Variants in CSF2RB observed in about 807,000 individuals in gnomAD.
CSF2RB encodes cytokine receptor common subunit beta.
A neutral mutation model predicts 67.2 loss-of-function variants in CSF2RB; 22 were observed. The ratio of observed to expected loss-of-function variants is 0.33; its 90% CI spans 0.23 to 0.47. The LOEUF (loss-of-function observed/expected upper bound fraction) is 0.47. Among genes scored for constraint, CSF2RB ranks in the 20% least tolerant of loss-of-function variants. CSF2RB has a pLI of 1.00. For synonymous variants in CSF2RB, 507 were observed against 482.9 expected, an observed-to-expected ratio of 1.05 and a Z score of -0.65; for missense variants, 1,113 against 1,174.5, an observed-to-expected ratio of 0.95 and a Z score of 0.76.
rs529217689 is a variant in CSF2RB, at chr22:36,918,803, G to T, written c.-172-3233G>T. Among the ~76,000 whole-genome samples, 4 of 152,272 alleles carry T rather than the reference G, an allele frequency of 2.6e-5. No individual in the cohort carries two copies. In the South Asian group the frequency reaches 8.3e-4, roughly 32 times the overall value. On this transcript the variant is annotated intron_variant, in intron 1 of 13. Coordinates refer to ENST00000403662, the MANE Select transcript of CSF2RB (RefSeq NM_000395.3). ...GAGGTAGCAGTTTCAGGCTAGTATG[G>T]TTGCTCCAGAGTGAGAGTGGGAATC...
intron 5 of CSF2RB, 39 bp from the exon 6 acceptor site, chr22:36,929,600 G>A: frequency 6.2e-7 from 1 of 1,614,170 alleles, no homozygotes. Context: ...CGAAGGGATG[G>A]GCAGCACCCC....
At chr22:36,916,963 T>G (rs574643776) in intron 1 of CSF2RB, among the ~76,000 whole-genome samples, 2 of 152,348 alleles carry the variant, frequency 1.3e-5, no homozygotes, top group South Asian at 4.1e-4. Context: ...CATTGACCAC[T>G]GGAAGTAAAG....
chr22:36,926,774 A>G (rs2145796896), intron 4 of CSF2RB, among the ~76,000 whole-genome samples: 1 of 152,338 alleles, frequency 6.6e-6, no homozygotes, highest in East Asian at 1.9e-4. Flanking sequence ...ATTTGCCTCT[A>G]TATTAGAAAG....
At chr22:36,928,358 C>G (rs574542831) in intron 4 of CSF2RB, among the ~76,000 whole-genome samples, 1 of 152,174 alleles carries the variant, frequency 6.6e-6, no homozygotes, top group Non-Finnish European at 1.5e-5. Flanking sequence ...AGAGCTCCCC[C>G]TCCATGACAG....
At chr22:36,932,990 T>G in intron 9 of CSF2RB, 86 bp downstream of exon 9, 2 of 1,554,472 alleles carry the variant, frequency 1.3e-6, no homozygotes, top group Non-Finnish European at 1.8e-6. Context: ...CTGCAAGGCG[T>G]CGGGCCCTTG....
At chr22:36,931,326 C>A (rs905593546) in intron 8 of CSF2RB, among the ~76,000 whole-genome samples, 1 of 152,202 alleles carries the variant, frequency 6.6e-6, no homozygotes, top group South Asian at 2.1e-4. Context: ...TGCAATGGAA[C>A]CTCTCACGTT....
intron 1 of CSF2RB, among the ~76,000 whole-genome samples, chr22:36,920,883 T>C (rs1295045900): frequency 1.3e-5 from 2 of 152,192 alleles, no homozygotes; most frequent in Non-Finnish European, 2.9e-5. Flanking sequence ...GATTTTAGCA[T>C]TTTTTTAAAT....
At position 36,938,979 on chromosome 22, in the gene CSF2RB, C is replaced by A. The variant is rs1305167614; in HGVS notation, c.*477C>A. The A allele has an allele frequency of 4.4e-5, 27 of 608,822 alleles. 1 individual carries two copies. Among genetic ancestry groups the A allele is most frequent in the Non-Finnish European group, 4.4e-5 (15 of 339,894 alleles). The allele number at this position is 608,822 out of a possible 1,614,324, so 37.7% of individuals were successfully genotyped here. On this transcript the variant is annotated 3_prime_UTR_variant, in exon 14 of 14. Transcript: ENST00000403662. The stretch of plus-strand genomic sequence containing the variant: ...AGTCGCTGATGCACATGACATGATT[C>A]TCATCTGGGTGCAGAGGTGGGAGGC...
At position 36,922,078 on chromosome 22, in the gene CSF2RB, C is replaced by G. The variant is rs532232011; in HGVS notation, c.-130C>G. On this transcript the variant is annotated 5_prime_UTR_variant, in exon 2 of 14. Coordinates refer to ENST00000403662, the MANE Select transcript of CSF2RB (RefSeq NM_000395.3). ...GCCAGGAGGGAGAGGTCCCAAGAGC[C>G]TGTGAAATGGGTCTGGCCTGGCTCC... The G allele has an allele frequency of 5.0e-6, 4 of 794,366 alleles. No individual in the cohort carries two copies. The East Asian group carries it at 1.1e-4, about 21-fold the overall frequency. The allele number at this position is 794,366 out of a possible 1,614,324, so 49.2% of individuals were successfully genotyped here.
chr22:36,914,421 C>G (rs1440565259), intron 1 of CSF2RB, among the ~76,000 whole-genome samples: 1 of 152,066 alleles, frequency 6.6e-6, no homozygotes, highest in East Asian at 1.9e-4. Context: ...CTCTCAGTCT[C>G]TCTCTCTGTC....
Position 36,929,645 on chromosome 22 carries a change from G to A in CSF2RB, c.556G>A (p.Ala186Thr). The change falls in exon 6 of 14, where the codon GCC becomes ACC. Residue 186 changes from alanine to threonine, a missense_variant. Physicochemically the swap from Ala to Thr is moderately conservative, Grantham distance 58. Around this residue, in one of 2 missense-constraint regions of CSF2RB, gnomAD observed 559 missense variants for 656.5 expected, o/e 0.85. Transcript: ENST00000403662. ...KRLQDSWEDA[A>T]ILLSNTSQAT... is the part of the protein sequence containing the mutation. ...ACCCACTGTCTCCTGACAGGACGCA[G>A]CCATCCTCCTCTCCAACACCTCCCA... 2 of 1,614,180 alleles carry A rather than the reference G, an allele frequency of 1.2e-6. No homozygotes were observed. Among genetic ancestry groups the A allele is most frequent in the Non-Finnish European group, 1.7e-6 (2 of 1,180,020 alleles).
intron 1 of CSF2RB, 79 bp from the exon 2 acceptor site, chr22:36,921,957 T>G: frequency 1.7e-6 from 1 of 586,388 alleles, no homozygotes; most frequent in Non-Finnish European, 3.1e-6. Flanking sequence ...CTTCTCTGGG[T>G]TGTCCCCACA....
intron 10 of CSF2RB, 116 bp downstream of exon 10, chr22:36,934,110 G>T (rs989653089): frequency 7.3e-7 from 1 of 1,366,974 alleles, no homozygotes; most frequent in Admixed American, 1.9e-5. Context: ...TAGGTGAGCC[G>T]TCTCCCCGAT....
rs1285545658 is a variant in CSF2RB, at chr22:36,937,716, G to C, written c.1908G>C (p.Gln636His). ...ACCTGTGTCTGCCTGCTGGGGGGCAGGTGCAACTGGTCCCTCTGGCCCAGG... is the reference window on the plus strand; with the variant it reads ...ACCTGTGTCTGCCTGCTGGGGGGCACGTGCAACTGGTCCCTCTGGCCCAGG... ...LEYLCLPAGG[Q>H]VQLVPLAQAM... is the part of the protein sequence containing the mutation. The change falls in exon 14 of 14, where the codon CAG (glutamine) becomes CAC (histidine). Residue 636 changes from glutamine (Q) to histidine (H), a missense_variant. Gln to His is a conservative substitution (Grantham distance 24). Coordinates refer to ENST00000403662, the MANE Select transcript of CSF2RB (RefSeq NM_000395.3). The surrounding 1 kb of genome is among the most constrained non-coding windows in gnomAD (Gnocchi z 4.6). The C allele has an allele frequency of 1.9e-6, 3 of 1,556,788 alleles. No homozygotes were observed. The highest frequency in any genetic ancestry group is 2.4e-5 in the South Asian group (2 of 85,026).
chr22:36,924,759 G>T (rs952107366), intron 3 of CSF2RB, among the ~76,000 whole-genome samples: 3 of 152,130 alleles, frequency 2.0e-5, no homozygotes, highest in East Asian at 1.9e-4. Context: ...GAGGACCACC[G>T]CGGCCTCCCT....
chr22:36,923,917 A>G (rs1365824809), intron 3 of CSF2RB: 7 of 544,206 alleles, frequency 1.3e-5, no homozygotes, highest in Middle Eastern at 3.3e-4. Flanking sequence ...CCCCCTCCGT[A>G]TGTGGGCTGC....
intron 1 of CSF2RB, among the ~76,000 whole-genome samples, chr22:36,921,324 CCT>C (rs1476153704): frequency 2.8e-5 from 4 of 144,664 alleles, no homozygotes; most frequent in Admixed American, 6.9e-5. Flanking sequence ...TCTGTGTCTG[CCT>C]CTGTGTGTGT....
At chr22:36,920,254 C>A (rs1265435901) in intron 1 of CSF2RB, among the ~76,000 whole-genome samples, 1 of 150,644 alleles carries the variant, frequency 6.6e-6, no homozygotes, top group Non-Finnish European at 1.5e-5. Flanking sequence ...TTGTTTTAAC[C>A]TTTTAAAGTA....
chr22:36,928,514 G>A (rs562062222), intron 4 of CSF2RB, among the ~76,000 whole-genome samples: 1 of 152,290 alleles, frequency 6.6e-6, no homozygotes, highest in Non-Finnish European at 1.5e-5. Context: ...GTCCAGCAGA[G>A]AGCACTTACA....
Sources: allele counts gnomAD v4.1 joint callset (sites outside exome capture counted in the v4.1 genomes callset), GRCh38; gene constraint gnomAD v4.1.1; regional missense constraint gnomAD v4.1.1; non-coding constraint Gnocchi (gnomAD v3.1); transcripts MANE v1.5; gene names NCBI Gene and HGNC (gene_info 2026-07-23, HGNC 2026-07-21).